Variants in ELN observed in about 807,000 individuals in gnomAD.
ELN encodes the protein tropoelastin.
Under a neutral mutation model 105.8 loss-of-function variants are expected in ELN, and 65 were observed. That is an observed-to-expected ratio of 0.61 (90% CI 0.50 to 0.75). The LOEUF is 0.75. Ranked by LOEUF, ELN falls within the 30% of genes least tolerant of loss-of-function variation. The pLI, the probability that ELN is intolerant of heterozygous loss-of-function variation, is 0.00. For synonymous variants in ELN, 368 were observed against 389.2 expected (o/e 0.95, Z 0.64); for missense variants, 882 against 969.4 (o/e 0.91, Z 1.20).
chr7:74,046,780 G>A lies in ELN; in HGVS notation c.643+13G>A. The A allele has an allele frequency of 6.2e-7, 1 of 1,613,968 alleles. No homozygotes were observed. Among genetic ancestry groups the A allele is most frequent in the East Asian group, 2.2e-5 (1 of 44,870 alleles). ...CCCAAGCTGCCTGGTAAGTCAGAGGGACGGTTCAAGATGCACCACTCGGCC... is the reference window on the plus strand; with the variant it reads ...CCCAAGCTGCCTGGTAAGTCAGAGGAACGGTTCAAGATGCACCACTCGGCC... On this transcript the variant is annotated intron_variant, in intron 12 of 32. Transcript: ENST00000252034.
At position 74,046,187 on chromosome 7, in the gene ELN, G is replaced by A. The variant is rs566481621; in HGVS notation, c.542-1G>A. On this transcript the variant is annotated splice_acceptor_variant, in intron 10 of 32. Coordinates refer to ENST00000252034, the MANE Select transcript of ELN (RefSeq NM_000501.4). LOFTEE classifies it high-confidence loss of function. ...GTAGTGACAGCTTTTTATCATTACA[G>A]GTGTAGGTGGAGCTTTTGCTGGAAT... The A allele has an allele frequency of 6.2e-7, 1 of 1,614,250 alleles. No homozygotes were observed.
Position 74,048,152 on chromosome 7 carries a change from C to T in ELN, c.696C>T (p.Pro232=), listed in dbSNP as rs148054981. 17 of 1,613,860 alleles carry T rather than the reference C, an allele frequency of 1.1e-5. No homozygotes were observed. Among genetic ancestry groups the T allele is most frequent in the South Asian group, 5.5e-5 (5 of 91,072 alleles). The part of the protein sequence containing the change: ...TTGKLPYGYG[P]GGVAGAAGKA... Reference sequence around the variant, plus strand: ...CTCTCTGTTTTGCAGGCTATGGGCCCGGAGGAGTGGCTGGTGCAGCGGGCA... The same window carrying T: ...CTCTCTGTTTTGCAGGCTATGGGCCTGGAGGAGTGGCTGGTGCAGCGGGCA... Residue 232 remains proline (P), a synonymous_variant, in exon 14 of 33, where the codon CCC becomes CCT. Coordinates refer to ENST00000252034, the MANE Select transcript of ELN (RefSeq NM_000501.4).
In ELN at chr7:74,047,692, T is replaced by C. The variant is rs1792897806; in HGVS notation, c.661T>C (p.Tyr221His). The C allele has an allele frequency of 2.5e-6, 4 of 1,614,158 alleles. No individual in the cohort carries two copies. Among genetic ancestry groups the C allele is most frequent in the Non-Finnish European group, 3.4e-6 (4 of 1,180,006 alleles). Residue 221 changes from tyrosine (Y) to histidine (H), a missense_variant, in exon 13 of 33, where the codon TAC (tyrosine) becomes CAC (histidine). Transcript: ENST00000252034. ...PKLPGGYGLPYTTGKLPYGYG... is the reference protein window; with the variant it reads ...PKLPGGYGLPHTTGKLPYGYG... Reference sequence around the variant, plus strand: ...CTCTCCAGGTGGCTATGGACTGCCCTACACCACAGGGAAACTGCCCTATGG... The same window carrying C: ...CTCTCCAGGTGGCTATGGACTGCCCCACACCACAGGGAAACTGCCCTATGG...
chr7:74,069,159 A>G lies in ELN; in HGVS notation c.*459A>G, dbSNP rs1399330109. On this transcript the variant is annotated 3_prime_UTR_variant, in exon 33 of 33. Transcript: ENST00000252034. The stretch of plus-strand genomic sequence containing the variant: ...CAGGACCCACCGTTGGCTGCCATCC[A>G]GTTGGTACCCAAGCACCTGAAGCCT... 3 of 280,882 alleles carry G rather than the reference A, an allele frequency of 1.1e-5. No homozygotes were observed. The highest frequency in any genetic ancestry group is 6.4e-5 in the African/African-American group (3 of 46,894). 17.4% of individuals were successfully genotyped at this position (280,882 alleles called of 1,614,324 possible).
chr7:74,051,530 A>G (rs946730329), intron 15 of ELN, among the ~76,000 whole-genome samples: 1 of 152,168 alleles, frequency 6.6e-6, no homozygotes, highest in Non-Finnish European at 1.5e-5. Context: ...CTGAAAACAT[A>G]CAAGTCCCTT....
At chr7:74,046,792 T>C (rs368914464) in intron 12 of ELN, 25 bp downstream of exon 12, 2 of 1,613,532 alleles carry the variant, frequency 1.2e-6, no homozygotes, top group Non-Finnish European at 1.7e-6. Flanking sequence ...CGGTTCAAGA[T>C]GCACCACTCG....
intron 3 of ELN, 48 bp from the exon 4 acceptor site, chr7:74,037,659 A>G (rs782217420): frequency 1.2e-6 from 2 of 1,600,322 alleles, no homozygotes; most frequent in African/African-American, 2.7e-5. Flanking sequence ...TAAGTAGTAG[A>G]TGGATAAGCT....
In ELN at chr7:74,059,793, T is replaced by A. The variant is rs76628030; in HGVS notation, c.1415-93T>A. On this transcript the variant is annotated intron_variant, in intron 22 of 32. Transcript: ENST00000252034. ...CTGATCCAGGGTCACACAGCAAATC[T>A]ATGCCAGGGCCGAGGCTCCAGCCCT... 3 of 800,114 alleles carry A rather than the reference T, an allele frequency of 3.7e-6. No individual in the cohort carries two copies. The South Asian group carries it at 4.0e-5, about 11-fold the overall frequency. 49.6% of individuals were successfully genotyped at this position (800,114 alleles called of 1,614,324 possible). A position where few individuals can be genotyped will look rare whatever the true frequency, so the allele number is the denominator to read the frequency against.
At chr7:74,060,099 C>A (rs782056446) in intron 23 of ELN, 41 bp from the exon 24 acceptor site, 7 of 1,614,016 alleles carry the variant, frequency 4.3e-6, no homozygotes, top group African/African-American at 2.7e-5. Flanking sequence ...CTCCATGGGC[C>A]CCGCCTCCAT....
chr7:74,058,658 C>T (rs1795928006), intron 22 of ELN, among the ~76,000 whole-genome samples: 1 of 152,148 alleles, frequency 6.6e-6, no homozygotes, highest in African/African-American at 2.4e-5. Context: ...ACCCGGCCTG[C>T]AGTACTTCTT....
rs782118165 is a variant in ELN, at chr7:74,061,063, C to T, written c.1748-38C>T. The T allele has an allele frequency of 1.3e-5, 21 of 1,613,708 alleles. No homozygotes were observed. In the Admixed American group the frequency reaches 2.2e-4, roughly 17 times the overall value. On this transcript the variant is annotated intron_variant, in intron 25 of 32. Transcript: ENST00000252034. ...CGGCAGAACTCCCAGGCACAGAGCT[C>T]GGCTCCTGACCACTCCCCAACTTTT...
chr7:74,051,026 G>C (rs1793912762), intron 15 of ELN, among the ~76,000 whole-genome samples: 2 of 152,174 alleles, frequency 1.3e-5, no homozygotes, highest in Non-Finnish European at 2.9e-5. Context: ...TCACTGCTCA[G>C]GTCAGTGAGT....
intron 13 of ELN, 139 bp downstream of exon 13, chr7:74,047,855 A>C: frequency 7.8e-7 from 1 of 1,274,558 alleles, no homozygotes; most frequent in Admixed American, 1.9e-5. Flanking sequence ...GGAATCTCAG[A>C]AGGAAAGGGC....
chr7:74,033,922 C>T (rs141190836), intron 1 of ELN, among the ~76,000 whole-genome samples: 3 of 152,294 alleles, frequency 2.0e-5, no homozygotes, highest in Non-Finnish European at 4.4e-5. Context: ...GCAGGGCCCC[C>T]GGTTTGGGAC....
intron 29 of ELN, among the ~76,000 whole-genome samples, chr7:74,064,591 G>T (rs1244475435): frequency 2.6e-5 from 4 of 152,080 alleles, no homozygotes; most frequent in African/African-American, 9.7e-5. Context: ...ACTCCAGCCT[G>T]AGCAACAGAG....
In ELN at chr7:74,068,661, G is replaced by C; in HGVS notation, c.2136G>C (p.Gly712=). 6.2e-7 allele frequency: 1 copy of C among 1,614,130 alleles called. No homozygotes were observed. Among genetic ancestry groups the C allele is most frequent in the Non-Finnish European group, 8.5e-7 (1 of 1,180,022 alleles). The change falls in exon 33 of 33, where the codon GGG becomes GGC. Residue 712 remains glycine (G), a synonymous_variant. Transcript: ENST00000252034. ...TGTGCACCTCCTCCCGTCCAGGTGG[G>C]GCCTGCCTGGGGAAAGCTTGTGGCC... ...GFGLSPIFPG[G]ACLGKACGRK... is the part of the protein sequence containing the mutation.
Position 74,057,705 on chromosome 7 carries a change from C to A in ELN, c.1414+9C>A. 5 of 1,612,796 alleles carry A rather than the reference C, an allele frequency of 3.1e-6. No individual in the cohort carries two copies. The highest frequency in any genetic ancestry group is 4.2e-6 in the Non-Finnish European group (5 of 1,179,724). On this transcript the variant is annotated intron_variant, in intron 22 of 32. Transcript: ENST00000252034. ...CAAAGCCGCCCAGTTTGGTAAGTCC[C>A]CCTCACCCCCGCCACTGGCTCACGG... is the stretch of plus-strand genomic sequence containing the variant.
In ELN at chr7:74,057,246, A is replaced by G. The variant is rs1020700784; in HGVS notation, c.1358-394A>G. Reference sequence around the variant, plus strand: ...GAGCAAGACTCCAACTCTAAAAATAAAAAAAAAAGAAAAAGAAAAAGAATT... The same window carrying G: ...GAGCAAGACTCCAACTCTAAAAATAGAAAAAAAAGAAAAAGAAAAAGAATT... On this transcript the variant is annotated intron_variant, in intron 21 of 32. Transcript: ENST00000252034. The G allele has an allele frequency of 2.1e-5, 16 of 756,700 alleles. No individual in the cohort carries two copies. In the African/African-American group the frequency reaches 2.7e-4, roughly 13 times the overall value. The allele number at this position is 756,700 out of a possible 1,614,324, so 46.9% of individuals were successfully genotyped here. A position where few individuals can be genotyped will look rare whatever the true frequency, so the allele number is the denominator to read the frequency against.
chr7:74,043,649 T>A (rs781998250), intron 8 of ELN: 12 of 652,800 alleles, frequency 1.8e-5, no homozygotes, highest in Middle Eastern at 2.5e-4. Context: ...CCCAGCCATG[T>A]AAACAGGCTC....
Sources: allele counts gnomAD v4.1 joint callset (sites outside exome capture counted in the v4.1 genomes callset), GRCh38; gene constraint gnomAD v4.1.1; transcripts MANE v1.5; gene names NCBI Gene and HGNC (gene_info 2026-07-23, HGNC 2026-07-21).